The following NIPBL variants were observed in gnomAD, a reference collection of about 807,000 sequenced individuals.
The protein encoded by NIPBL is NIPBL cohesin loading factor.
In NIPBL, 19 loss-of-function variants were observed where a neutral mutation model predicts 321.8. The ratio of observed to expected loss-of-function variants is 0.06; its 90% CI spans 0.04 to 0.09. NIPBL has a LOEUF of 0.09. NIPBL is among the 10% of genes least tolerant of loss of function. NIPBL has a pLI of 1.00. For synonymous variants in NIPBL, 1,106 were observed against 1,114.1 expected, an observed-to-expected ratio of 0.99 and a Z score of 0.14; for missense variants, 2,210 against 3,327.0, an observed-to-expected ratio of 0.66 and a Z score of 8.26.
At chr5:36,990,207 C>T (rs1377753138) in intron 10 of NIPBL, among the ~76,000 whole-genome samples, 1 of 152,184 alleles carries the variant, frequency 6.6e-6, no homozygotes, top group African/African-American at 2.4e-5. Flanking sequence ...GCCTATATTG[C>T]TCACTTGATG....
intron 1 of NIPBL, among the ~76,000 whole-genome samples, chr5:36,936,169 T>C (rs1738397556): frequency 6.6e-6 from 1 of 152,156 alleles, no homozygotes; most frequent in South Asian, 2.1e-4. Context: ...ATTTGATATA[T>C]AGTTGGGTTT....
Position 36,985,217 on chromosome 5 carries a change from T to C in NIPBL, c.2037T>C (p.Ser679=), listed in dbSNP as rs200173176. ...CTAAACAAAATGAAAATAGACTGTC[T>C]GACACAAAACCAAATGACAACAAAC... is the stretch of plus-strand genomic sequence containing the variant. The part of the protein sequence containing the change: ...VEPKQNENRL[S]DTKPNDNKQN... The change falls in exon 10 of 47, where the codon TCT becomes TCC. Residue 679 remains serine, a synonymous_variant. Coordinates refer to ENST00000282516, the MANE Select transcript of NIPBL (RefSeq NM_133433.4). 1.9e-6 allele frequency: 3 copies of C among 1,613,686 alleles called. No individual in the cohort carries two copies. The highest frequency in any genetic ancestry group is 1.7e-5 in the Admixed American group (1 of 59,898).
At chr5:36,913,347 TG>T (rs1352509056) in intron 1 of NIPBL, among the ~76,000 whole-genome samples, 2 of 151,902 alleles carry the variant, frequency 1.3e-5, no homozygotes, top group African/African-American at 4.8e-5. Flanking sequence ...TATGTAAAAA[TG>T]TATTTTTATA....
intron 17 of NIPBL, 88 bp from the exon 18 acceptor site, chr5:37,007,233 TTC>T: frequency 8.9e-7 from 1 of 1,118,908 alleles, no homozygotes; most frequent in South Asian, 1.4e-5. Context: ...GAAAATTGTG[TTC>T]TCTTAATTCA....
At chr5:36,883,464 C>T (rs949015438) in intron 1 of NIPBL, among the ~76,000 whole-genome samples, 6 of 151,840 alleles carry the variant, frequency 4.0e-5, no homozygotes, top group African/African-American at 1.4e-4. Context: ...ATTTGGGTCA[C>T]TTATGCAGGT....
chr5:37,002,988 A>G (rs994630645), intron 15 of NIPBL, among the ~76,000 whole-genome samples: 5 of 151,778 alleles, frequency 3.3e-5, no homozygotes, highest in Admixed American at 3.3e-4. Flanking sequence ...TGAAAGAGGC[A>G]TGGACTTTAA....
At chr5:36,917,264 G>T (rs1386418543) in intron 1 of NIPBL, among the ~76,000 whole-genome samples, 1 of 152,138 alleles carries the variant, frequency 6.6e-6, no homozygotes, top group South Asian at 2.1e-4. Context: ...ATTTTTTCAT[G>T]TGTCTGTTGG....
chr5:36,877,630 G>A (rs1276166978), intron 1 of NIPBL, among the ~76,000 whole-genome samples: 1 of 152,214 alleles, frequency 6.6e-6, no homozygotes. Context: ...CCGGGAGTGG[G>A]GAACGTCCCA....
At position 36,970,959 on chromosome 5, in the gene NIPBL, G is replaced by A. The variant is rs1742786904; in HGVS notation, c.694G>A (p.Ala232Thr). Residue 232 changes from alanine to threonine, a missense_variant, in exon 7 of 47, where the codon GCT (alanine) becomes ACT (threonine). This residue lies in a region of NIPBL where 464 missense variants were observed against 529.5 expected (regional missense o/e 0.88). Transcript: ENST00000282516. Reference protein sequence around the residue: ...KVSGPLSGNSANHHADNPRHG... With the variant: ...KVSGPLSGNSTNHHADNPRHG... ...TTCTGGTCCGTTGTCTGGCAATTCA[G>A]CTAATCATCATGCTGATAATCCTAG... is the stretch of plus-strand genomic sequence containing the variant. The A allele has an allele frequency of 1.2e-6, 2 of 1,613,484 alleles. No homozygotes were observed. Among genetic ancestry groups the A allele is most frequent in the Non-Finnish European group, 1.7e-6 (2 of 1,179,600 alleles).
intron 32 of NIPBL, among the ~76,000 whole-genome samples, chr5:37,032,639 G>T (rs1751198043): frequency 6.6e-6 from 1 of 152,100 alleles, no homozygotes; most frequent in Non-Finnish European, 1.5e-5. Flanking sequence ...ACTGGGCATT[G>T]TGGCCTGTGC....
chr5:36,993,160 A>G (rs1386679915), intron 10 of NIPBL, among the ~76,000 whole-genome samples: 1 of 152,226 alleles, frequency 6.6e-6, no homozygotes, highest in Admixed American at 6.5e-5. Flanking sequence ...GGAATAGACA[A>G]TTCTGTTCAA....
At chr5:37,029,316 C>G (rs1750683609) in intron 32 of NIPBL, among the ~76,000 whole-genome samples, 1 of 152,116 alleles carries the variant, frequency 6.6e-6, no homozygotes, top group African/African-American at 2.4e-5. Flanking sequence ...TACATTGTTC[C>G]TATCAATGGA....
chr5:36,916,408 A>C (rs1748461852), intron 1 of NIPBL, among the ~76,000 whole-genome samples: 1 of 152,208 alleles, frequency 6.6e-6, no homozygotes, highest in East Asian at 1.9e-4. Flanking sequence ...TGGACATGTC[A>C]GGTTGTTTAG....
intron 36 of NIPBL, 145 bp downstream of exon 36, chr5:37,044,874 C>A: frequency 1.5e-6 from 1 of 667,042 alleles, no homozygotes; most frequent in South Asian, 1.8e-5. Flanking sequence ...ACAATATTTT[C>A]TAGTGTCTTT....
At chr5:36,918,876 C>T (rs1748693539) in intron 1 of NIPBL, among the ~76,000 whole-genome samples, 1 of 152,092 alleles carries the variant, frequency 6.6e-6, no homozygotes, top group Non-Finnish European at 1.5e-5. Context: ...GGATGAAACC[C>T]ACTTGATCAC....
At chr5:37,052,847 A>G (rs1482225787) in intron 42 of NIPBL, among the ~76,000 whole-genome samples, 1 of 152,196 alleles carries the variant, frequency 6.6e-6, no homozygotes, top group Non-Finnish European at 1.5e-5. Context: ...TAAATAAGCA[A>G]CATCACTAAA....
intron 8 of NIPBL, among the ~76,000 whole-genome samples, chr5:36,975,011 T>C (rs1032863500): frequency 4.6e-5 from 7 of 152,198 alleles, no homozygotes; most frequent in African/African-American, 1.7e-4. Flanking sequence ...AGGATAATTT[T>C]TCCATCTGAT....
At chr5:37,019,655 T>A (rs1188039696) in intron 25 of NIPBL, among the ~76,000 whole-genome samples, 1 of 152,192 alleles carries the variant, frequency 6.6e-6, no homozygotes, top group Non-Finnish European at 1.5e-5. Context: ...TCTCCGTAAG[T>A]GATCTTTGAG....
rs141956774 is a variant in NIPBL at position 37,010,101 on chromosome 5, A to T, written c.4436A>T (p.Asp1479Val). 1 of 1,611,494 alleles carries T rather than the reference A, an allele frequency of 6.2e-7. No homozygotes were observed. Among genetic ancestry groups the T allele is most frequent in the African/African-American group, 1.3e-5 (1 of 74,874 alleles). Residue 1479 changes from aspartate (D) to valine (V), a missense_variant, in exon 21 of 47, where the codon GAT (aspartate) becomes GTT (valine). Coordinates refer to ENST00000282516, the MANE Select transcript of NIPBL (RefSeq NM_133433.4). ...SLRNFRLNSS[D>V]MDGEPMYIQM... The stretch of plus-strand genomic sequence containing the variant: ...CTTCATTAAAGGTTAAACAGTAGTG[A>T]TATGGATGGAGAACCTATGTATATT...
Sources: allele counts gnomAD v4.1 joint callset (sites outside exome capture counted in the v4.1 genomes callset), GRCh38; gene constraint gnomAD v4.1.1; regional missense constraint gnomAD v4.1.1; transcripts MANE v1.5; gene names NCBI Gene and HGNC (gene_info 2026-07-23, HGNC 2026-07-21).